EFHC2: variants seen among roughly 807,000 people sequenced by gnomAD.
EFHC2 encodes EF-hand domain-containing family member C2.
Under a neutral mutation model 52.7 loss-of-function variants are expected in EFHC2, and 18 were observed. The ratio of observed to expected loss-of-function variants is 0.34; its 90% CI spans 0.24 to 0.51. EFHC2 has a LOEUF of 0.51. Ranked by LOEUF, EFHC2 falls within the 20% of genes least tolerant of loss-of-function variation. EFHC2 has a pLI of 0.97. For missense variants in EFHC2, 513 were observed against 562.5 expected (o/e 0.91, Z 0.89); for synonymous variants, 203 against 204.1 (o/e 0.99, Z 0.04).
At chrX:44,239,268 C>A (rs1468133289) in intron 8 of EFHC2, among the ~76,000 whole-genome samples, 1 of 112,011 alleles carries the variant, frequency 8.9e-6, no homozygotes, top group African/African-American at 3.2e-5. Flanking sequence ...TAATAACCCT[C>A]CTGGTGAGAA....
At chrX:44,280,969 G>GA (rs1456303683) in intron 2 of EFHC2, among the ~76,000 whole-genome samples, 1 of 111,365 alleles carries the variant, frequency 9.0e-6, no homozygotes, top group African/African-American at 3.3e-5. Context: ...ACCCAGGCTG[G>GA]AGTGCAGTGG....
At chrX:44,192,347 T>C (rs2036928003) in intron 11 of EFHC2, among the ~76,000 whole-genome samples, 1 of 112,020 alleles carries the variant, frequency 8.9e-6, no homozygotes, top group Non-Finnish European at 1.9e-5. Context: ...TGCCTCTGTG[T>C]ATTGCCTGAG....
intron 14 of EFHC2, among the ~76,000 whole-genome samples, chrX:44,162,199 G>C (rs2036660609): frequency 8.9e-6 from 1 of 111,775 alleles, no homozygotes. Flanking sequence ...AAGGCAGGCA[G>C]ATCACTTGAG....
chrX:44,195,380 C>T (rs900086142), intron 11 of EFHC2, among the ~76,000 whole-genome samples: 3 of 111,810 alleles, frequency 2.7e-5, no homozygotes, highest in Non-Finnish European at 5.7e-5. Flanking sequence ...CTCAGCCAAC[C>T]CACGGACCTG....
At chrX:44,306,082 T>C (rs1220628642) in intron 2 of EFHC2, among the ~76,000 whole-genome samples, 1 of 110,964 alleles carries the variant, frequency 9.0e-6, no homozygotes, top group African/African-American at 3.3e-5. Context: ...TGTCACCCCA[T>C]AGCAGGATCC....
At chrX:44,212,384 CAG>C (rs749812693) in intron 11 of EFHC2, among the ~76,000 whole-genome samples, 1 of 111,476 alleles carries the variant, frequency 9.0e-6, no homozygotes, top group Non-Finnish European at 1.9e-5. Flanking sequence ...AGACTTCTGG[CAG>C]AGAGAGTAGC....
At chrX:44,252,356 T>G (rs1472658119) in intron 4 of EFHC2, among the ~76,000 whole-genome samples, 1 of 112,157 alleles carries the variant, frequency 8.9e-6, no homozygotes, top group Admixed American at 9.4e-5. Context: ...AATCTTTTTG[T>G]AAATTTTTGA....
At chrX:44,188,644 C>T (rs2036896209) in intron 11 of EFHC2, among the ~76,000 whole-genome samples, 1 of 111,271 alleles carries the variant, frequency 9.0e-6, no homozygotes, top group Admixed American at 9.6e-5. Flanking sequence ...GAAAGTACCC[C>T]TCATCCAGTC....
intron 14 of EFHC2, among the ~76,000 whole-genome samples, chrX:44,157,743 T>TCCCTG (rs2036618654): frequency 1.8e-5 from 1 of 54,950 alleles, no homozygotes; most frequent in Non-Finnish European, 3.4e-5. Context: ...TCCACCCCCC[T>TCCCTG]CCCCGCCCCG....
intron 4 of EFHC2, among the ~76,000 whole-genome samples, chrX:44,256,266 C>G (rs757426974): frequency 9.0e-6 from 1 of 111,176 alleles, no homozygotes; most frequent in South Asian, 3.8e-4. Context: ...CAAAAGCTAG[C>G]AGAAGGCAAA....
intron 11 of EFHC2, among the ~76,000 whole-genome samples, chrX:44,186,933 C>T (rs1415638193): frequency 4.7e-5 from 5 of 107,469 alleles, no homozygotes; most frequent in African/African-American, 1.7e-4. Flanking sequence ...ACCTGGGAAA[C>T]CTAATGAGAC....
chrX:44,222,394 T>C (rs998168199), intron 11 of EFHC2, among the ~76,000 whole-genome samples: 2 of 111,958 alleles, frequency 1.8e-5, no homozygotes, highest in African/African-American at 6.5e-5. Context: ...ATATATATTC[T>C]TAGGTTTAAA....
In EFHC2 at chrX:44,191,588, T is replaced by C. The variant is rs2036920806; in HGVS notation, c.1752-13024A>G. 2.7e-5 allele frequency among the ~76,000 whole-genome samples: 3 copies of C among 111,972 alleles called. No individual in the cohort carries two copies. In the South Asian group the frequency reaches 1.1e-3, roughly 42 times the overall value. On this transcript the variant is annotated intron_variant, in intron 11 of 14. Coordinates refer to ENST00000420999, the MANE Select transcript of EFHC2 (RefSeq NM_025184.4). ...AACTCCCATTTATTTCAATGCTTGATATTATAAGTGTTTGGGTCTTTATTT... is the reference window on the plus strand; with the variant it reads ...AACTCCCATTTATTTCAATGCTTGACATTATAAGTGTTTGGGTCTTTATTT...
rs954926517 is a variant in EFHC2 at position 44,157,675 on chromosome X, A to G, written c.2148+6247T>C. Among the ~76,000 whole-genome samples, 8 of 109,849 alleles carry G rather than the reference A, an allele frequency of 7.3e-5. No homozygotes were observed. In the East Asian group the frequency reaches 2.3e-3, roughly 32 times the overall value. ...GTTCCAGCTCCTCTGCTGGGCTCCA[A>G]TAACACCAGTCCCCCAGTCCCTCCC... is the stretch of plus-strand genomic sequence containing the variant. On this transcript the variant is annotated intron_variant, in intron 14 of 14. Coordinates refer to ENST00000420999, the MANE Select transcript of EFHC2 (RefSeq NM_025184.4).
chrX:44,231,370 G>A (rs1364382088), intron 10 of EFHC2, among the ~76,000 whole-genome samples: 1 of 111,843 alleles, frequency 8.9e-6, no homozygotes, highest in Non-Finnish European at 1.9e-5. Context: ...CCTCTCTGAT[G>A]GGCAGTCTGT....
chrX:44,181,392 T>C (rs1346248271), intron 11 of EFHC2, among the ~76,000 whole-genome samples: 1 of 109,578 alleles, frequency 9.1e-6, no homozygotes, highest in African/African-American at 3.3e-5. Context: ...GAGAGTAGAA[T>C]ATGGCGTGAA....
At chrX:44,267,533 A>G (rs2037587068) in intron 3 of EFHC2, among the ~76,000 whole-genome samples, 1 of 111,887 alleles carries the variant, frequency 8.9e-6, no homozygotes, top group Non-Finnish European at 1.9e-5. Context: ...TTACATGATA[A>G]TAGAGGCAAC....
At chrX:44,180,734 T>C (rs1053969538) in intron 11 of EFHC2, among the ~76,000 whole-genome samples, 7 of 92,636 alleles carry the variant, frequency 7.6e-5, no homozygotes, top group Non-Finnish European at 1.5e-4. Flanking sequence ...TGAGACTCTG[T>C]CTCAAATAAA....
At chrX:44,197,352 T>A (rs1471441832) in intron 11 of EFHC2, among the ~76,000 whole-genome samples, 4 of 111,754 alleles carry the variant, frequency 3.6e-5, no homozygotes, top group African/African-American at 1.3e-4. Flanking sequence ...CATGTGGGAA[T>A]AAAAAGATAT....
Sources: allele counts gnomAD v4.1 joint callset (sites outside exome capture counted in the v4.1 genomes callset), GRCh38; gene constraint gnomAD v4.1.1; transcripts MANE v1.5; gene names NCBI Gene and HGNC (gene_info 2026-07-23, HGNC 2026-07-21).